The following ZHX3 variants were observed in gnomAD, a reference collection of about 807,000 sequenced individuals.
ZHX3 encodes the protein zinc fingers and homeoboxes 3, also known as zinc fingers and homeoboxes protein 3.
ZHX3 carries 20 observed loss-of-function variants against 64.5 expected under a neutral mutation model. That is an observed-to-expected ratio of 0.31 (90% confidence interval 0.22 to 0.45). The LOEUF (loss-of-function observed/expected upper bound fraction) is 0.45. ZHX3 is among the 20% of genes least tolerant of loss of function. The probability of loss-of-function intolerance (pLI) is 1.00; values close to 1 mark genes in which losing one functional copy is unlikely to be tolerated. For missense variants in ZHX3, 1,041 were observed against 1,195.8 expected (o/e 0.87, Z 1.91); for synonymous variants, 423 against 461.6 (o/e 0.92, Z 1.07).
chr20:41,189,904 T>C (rs2036858261), intron 3 of ZHX3, among the ~76,000 whole-genome samples: 1 of 152,216 alleles, frequency 6.6e-6, no homozygotes, highest in Non-Finnish European at 1.5e-5. Flanking sequence ...CATGTTCCAG[T>C]TTTCAGAAGA....
chr20:41,241,051 G>A (rs987017562), intron 2 of ZHX3, among the ~76,000 whole-genome samples: 3 of 152,144 alleles, frequency 2.0e-5, no homozygotes, highest in Non-Finnish European at 4.4e-5. Flanking sequence ...TGGCTGGATT[G>A]TATGATAGCT....
In ZHX3 at chr20:41,178,999, CACAGGGA is replaced by C. The variant is rs1426442228; in HGVS notation, c.*6185_*6191del. ...CAGTCTTATTGCCCAGAAGTCCGGC[CACAGGGA>C]ACAAGGCTTTGTGCTGAAGACCAAA... On this transcript the variant is annotated 3_prime_UTR_variant, in exon 4 of 4. Coordinates refer to ENST00000683867, the MANE Select transcript of ZHX3 (RefSeq NM_001384317.1). 6.6e-6 allele frequency: 1 copy of C among 152,646 alleles called. No homozygotes were observed. The highest frequency in any genetic ancestry group is 2.4e-5 in the African/African-American group (1 of 41,444). The allele number at this position is 152,646 out of a possible 1,614,324, so 9.5% of individuals were successfully genotyped here.
chr20:41,225,029 G>C (rs940211743), intron 2 of ZHX3, among the ~76,000 whole-genome samples: 1 of 152,224 alleles, frequency 6.6e-6, no homozygotes, highest in Non-Finnish European at 1.5e-5. Flanking sequence ...ATAGCACAAT[G>C]TCTGGCACAT....
intron 2 of ZHX3, among the ~76,000 whole-genome samples, chr20:41,248,856 A>G (rs1008157908): frequency 1.3e-5 from 2 of 152,148 alleles, no homozygotes; most frequent in African/African-American, 4.8e-5. Flanking sequence ...TAACAAAAAG[A>G]TTTTTCCCCC....
chr20:41,258,402 T>C (rs2042380830), intron 2 of ZHX3, among the ~76,000 whole-genome samples: 1 of 152,200 alleles, frequency 6.6e-6, no homozygotes, highest in Non-Finnish European at 1.5e-5. Context: ...TACCGGTTTT[T>C]TCTACCGATG....
chr20:41,242,220 A>G (rs909018557), intron 2 of ZHX3, among the ~76,000 whole-genome samples: 15 of 152,312 alleles, frequency 9.8e-5, no homozygotes, highest in African/African-American at 3.6e-4. Flanking sequence ...GATCCTCACA[A>G]TAACCCTATG....
intron 3 of ZHX3, among the ~76,000 whole-genome samples, chr20:41,190,677 T>G (rs1357260723): frequency 2.0e-5 from 3 of 152,194 alleles, no homozygotes; most frequent in Admixed American, 6.5e-5. Context: ...AATGTCATGT[T>G]TTCACTTCCA....
intron 2 of ZHX3, among the ~76,000 whole-genome samples, chr20:41,233,400 G>A (rs1313130585): frequency 6.6e-6 from 1 of 152,082 alleles, no homozygotes; most frequent in Non-Finnish European, 1.5e-5. Flanking sequence ...ATCCTTTTAA[G>A]TACAAAAGAC....
chr20:41,223,138 A>T (rs2040057052), intron 2 of ZHX3, among the ~76,000 whole-genome samples: 1 of 152,204 alleles, frequency 6.6e-6, no homozygotes, highest in Non-Finnish European at 1.5e-5. Flanking sequence ...CTTACTTTGG[A>T]AAGGCTTGAA....
chr20:41,293,099 C>A (rs2044331928), intron 1 of ZHX3, among the ~76,000 whole-genome samples: 1 of 152,170 alleles, frequency 6.6e-6, no homozygotes, highest in African/African-American at 2.4e-5. Context: ...GGGTACAGCA[C>A]AGCTACCCAA....
chr20:41,306,986 T>C (rs1307729058), intron 1 of ZHX3, among the ~76,000 whole-genome samples: 1 of 152,208 alleles, frequency 6.6e-6, no homozygotes, highest in Non-Finnish European at 1.5e-5. Context: ...ATAGCTAACC[T>C]ACCATGGCAA....
intron 3 of ZHX3, among the ~76,000 whole-genome samples, chr20:41,192,965 TGGG>T (rs1198034119): frequency 2.0e-5 from 3 of 152,232 alleles, no homozygotes; most frequent in Non-Finnish European, 4.4e-5. Flanking sequence ...TTCCCCATGC[TGGG>T]GGGTCTCTCT....
At position 41,202,369 on chromosome 20, in the gene ZHX3, G is replaced by A; in HGVS notation, c.2548C>T (p.Leu850=). The part of the protein sequence containing the change: ...LVIAPGNREL[L]QDYYMTHKML... The stretch of plus-strand genomic sequence containing the variant: ...TTGTGTGTCATGTAATAGTCCTGCA[G>A]GAGCTCCCGGTTGCCAGGGGCAATG... Residue 850 remains leucine (L), a synonymous_variant, in exon 3 of 4, where the codon CTG becomes TTG. Transcript: ENST00000683867. The surrounding 1 kb of genome is among the most constrained non-coding windows in gnomAD (Gnocchi z 7.0). The A allele has an allele frequency of 6.2e-7, 1 of 1,614,198 alleles. No individual in the cohort carries two copies. Among genetic ancestry groups the A allele is most frequent in the East Asian group, 2.2e-5 (1 of 44,888 alleles).
chr20:41,219,279 C>T lies in ZHX3; in HGVS notation c.-150-14213G>A, dbSNP rs556253607. Reference sequence around the variant, plus strand: ...TAATCACCAACAGAAATAGCCCACTCTAGTCAGATATTATCACCTCTAAAG... The same window carrying T: ...TAATCACCAACAGAAATAGCCCACTTTAGTCAGATATTATCACCTCTAAAG... On this transcript the variant is annotated intron_variant, in intron 2 of 3. Coordinates refer to ENST00000683867, the MANE Select transcript of ZHX3 (RefSeq NM_001384317.1). The surrounding 1 kb of genome is among the most constrained non-coding windows in gnomAD (Gnocchi z 5.0). Among the ~76,000 whole-genome samples the T allele has an allele frequency of 3.2e-4, 48 of 152,274 alleles. No individual in the cohort carries two copies. Among genetic ancestry groups the T allele is most frequent in the Admixed American group, 6.5e-4 (10 of 15,292 alleles).
intron 1 of ZHX3, among the ~76,000 whole-genome samples, chr20:41,272,881 A>G (rs2043211114): frequency 6.6e-6 from 1 of 152,138 alleles, no homozygotes; most frequent in South Asian, 2.1e-4. Context: ...CAATTACTGG[A>G]CATATAAACA....
Position 41,184,366 on chromosome 20 carries a change from C to T in ZHX3, c.*825G>A, listed in dbSNP as rs2076147. ...AAAAATGCAGGCACATAGGTCAGCA[C>T]ATTAGGCTTAACAACAAATGTTTCT... On this transcript the variant is annotated 3_prime_UTR_variant, in exon 4 of 4. Transcript: ENST00000683867. The T allele has an allele frequency of 0.041, 6,339 of 153,192 alleles. 746 individuals carry two copies. The East Asian group carries it at 0.48, about 12-fold the overall frequency. 9.5% of individuals were successfully genotyped at this position (153,192 alleles called of 1,614,324 possible). A position where few individuals can be genotyped will look rare whatever the true frequency, so the allele number is the denominator to read the frequency against.
chr20:41,202,959 C>T lies in ZHX3; in HGVS notation c.1958G>A (p.Arg653Gln), dbSNP rs1297695080. Residue 653 changes from arginine (R) to glutamine (Q), a missense_variant, in exon 3 of 4, where the codon CGA (arginine) becomes CAA (glutamine). Transcript: ENST00000683867. The surrounding 1 kb of genome is among the most constrained non-coding windows in gnomAD (Gnocchi z 7.0). ...DRLRSETKMTRREIDSWFSER... is the reference protein window; with the variant it reads ...DRLRSETKMTQREIDSWFSER... ...TGAAAACCAGCTATCAATTTCTCGT[C>T]GGGTCATTTTGGTTTCACTTCTCAG... The T allele has an allele frequency of 5.0e-6, 8 of 1,613,960 alleles. No individual in the cohort carries two copies. The highest frequency in any genetic ancestry group is 2.2e-5 in the East Asian group (1 of 44,888).
At position 41,182,603 on chromosome 20, in the gene ZHX3, C is replaced by T. The variant is rs2146089693; in HGVS notation, c.*2588G>A. Reference sequence around the variant, plus strand: ...GTGATGACTGCCTCCCTCATCATCGCTTTTGATCATCTTTCAAGGATAAGG... The same window carrying T: ...GTGATGACTGCCTCCCTCATCATCGTTTTTGATCATCTTTCAAGGATAAGG... On this transcript the variant is annotated 3_prime_UTR_variant, in exon 4 of 4. Transcript: ENST00000683867. This position sits in a 1 kb window ranked among gnomAD's most constrained non-coding sequence, Gnocchi z 6.1. The T allele has an allele frequency of 6.6e-6, 1 of 152,194 alleles. No individual in the cohort carries two copies. The highest frequency in any genetic ancestry group is 2.4e-5 in the African/African-American group (1 of 41,536). 9.4% of individuals were successfully genotyped at this position (152,194 alleles called of 1,614,324 possible). A position where few individuals can be genotyped will look rare whatever the true frequency, so the allele number is the denominator to read the frequency against.
chr20:41,280,538 T>C (rs886713780), intron 1 of ZHX3, among the ~76,000 whole-genome samples: 2 of 152,176 alleles, frequency 1.3e-5, no homozygotes, highest in African/African-American at 4.8e-5. Flanking sequence ...AAAAAGTTAT[T>C]AGTGGGGAAT....
Sources: gnomAD v4.1 joint callset for allele counts (sites outside exome capture counted in the v4.1 genomes callset) on GRCh38, gnomAD v4.1.1 for gene constraint, Gnocchi (gnomAD v3.1) non-coding constraint, MANE v1.5 for transcripts, NCBI Gene and HGNC (gene_info 2026-07-23, HGNC 2026-07-21) for gene names.